KCNK13: variants seen among roughly 807,000 people sequenced by gnomAD.
KCNK13 encodes potassium two pore domain channel subfamily K member 13.
KCNK13 carries 12 observed loss-of-function variants against 23.4 expected under a neutral mutation model. The ratio of observed to expected loss-of-function variants is 0.51; its 90% CI spans 0.33 to 0.83. KCNK13 has a LOEUF of 0.83. KCNK13 is among the 40% of genes least tolerant of loss of function. The pLI, the probability that KCNK13 is intolerant of heterozygous loss-of-function variation, is 0.02. For synonymous variants in KCNK13, 231 were observed against 229.5 expected, an observed-to-expected ratio of 1.01 and a Z score of -0.06; for missense variants, 463 against 556.3, an observed-to-expected ratio of 0.83 and a Z score of 1.69.
intron 1 of KCNK13, among the ~76,000 whole-genome samples, chr14:90,139,233 G>A (rs1468037644): frequency 6.6e-6 from 1 of 152,220 alleles, no homozygotes; most frequent in African/African-American, 2.4e-5. Flanking sequence ...AGACTGTGAT[G>A]ATTGAATGCA....
At chr14:90,111,120 C>T (rs970489874) in intron 1 of KCNK13, among the ~76,000 whole-genome samples, 15 of 152,284 alleles carry the variant, frequency 9.9e-5, no homozygotes, top group South Asian at 2.1e-4. Context: ...TGCCTTAAAG[C>T]CACTAAGTTG....
chr14:90,172,316 CA>C (rs5810487), intron 1 of KCNK13, among the ~76,000 whole-genome samples: 9,733 of 138,800 alleles, frequency 0.07, 553 homozygotes, highest in African/African-American at 0.15. Context: ...GAGTCTATAT[CA>C]AAAAAAAAAA....
At chr14:90,074,970 C>T (rs1401563969) in intron 1 of KCNK13, among the ~76,000 whole-genome samples, 1 of 151,954 alleles carries the variant, frequency 6.6e-6, no homozygotes, top group Non-Finnish European at 1.5e-5. Context: ...ACTTTTAGAC[C>T]ATCTCTTTAG....
At chr14:90,176,985 A>G (rs908858466) in intron 1 of KCNK13, among the ~76,000 whole-genome samples, 1 of 152,186 alleles carries the variant, frequency 6.6e-6, no homozygotes, top group Non-Finnish European at 1.5e-5. Flanking sequence ...ACACCACTGC[A>G]CTCCAGCCTT....
chr14:90,132,124 TG>T (rs1212086382), intron 1 of KCNK13, among the ~76,000 whole-genome samples: 2 of 152,252 alleles, frequency 1.3e-5, no homozygotes, highest in African/African-American at 4.8e-5. Context: ...CTCAGGCACA[TG>T]CCATCAACAT....
chr14:90,113,326 G>A (rs145121918), intron 1 of KCNK13, among the ~76,000 whole-genome samples: 37 of 152,004 alleles, frequency 2.4e-4, no homozygotes, highest in African/African-American at 8.5e-4. Flanking sequence ...AGGAAAAGAC[G>A]GTCTCAATAA....
At chr14:90,108,959 G>T (rs934595055) in intron 1 of KCNK13, among the ~76,000 whole-genome samples, 1 of 152,108 alleles carries the variant, frequency 6.6e-6, no homozygotes, top group Non-Finnish European at 1.5e-5. Context: ...GGCAGATCAC[G>T]AGGTCAGGAG....
At chr14:90,124,329 G>C (rs1889771829) in intron 1 of KCNK13, among the ~76,000 whole-genome samples, 1 of 152,194 alleles carries the variant, frequency 6.6e-6, no homozygotes, top group Admixed American at 6.5e-5. Context: ...CCATTCCCTG[G>C]AACCTGTGAA....
At chr14:90,112,482 A>G (rs928025640) in intron 1 of KCNK13, among the ~76,000 whole-genome samples, 2 of 152,234 alleles carry the variant, frequency 1.3e-5, no homozygotes, top group African/African-American at 2.4e-5. Flanking sequence ...CAAATCATCA[A>G]TCTTGTAGTC....
At chr14:90,138,932 A>C (rs1016872290) in intron 1 of KCNK13, among the ~76,000 whole-genome samples, 1 of 152,226 alleles carries the variant, frequency 6.6e-6, no homozygotes, top group East Asian at 1.9e-4. Flanking sequence ...GGCCAGAAAA[A>C]AACACATCGA....
intron 1 of KCNK13, among the ~76,000 whole-genome samples, chr14:90,168,486 T>C (rs533959943): frequency 7.2e-5 from 11 of 152,174 alleles, no homozygotes; most frequent in Non-Finnish European, 1.6e-4. Flanking sequence ...CCAGGCACAC[T>C]TGACTTTTGT....
intron 1 of KCNK13, among the ~76,000 whole-genome samples, chr14:90,083,697 C>T (rs554224550): frequency 7.2e-5 from 11 of 152,308 alleles, no homozygotes; most frequent in Admixed American, 3.9e-4. Flanking sequence ...AAGACCCTTT[C>T]AAACTGTCAG....
intron 1 of KCNK13, among the ~76,000 whole-genome samples, chr14:90,130,961 A>G (rs1315566290): frequency 6.6e-6 from 1 of 152,142 alleles, no homozygotes; most frequent in Non-Finnish European, 1.5e-5. Flanking sequence ...GCTCCTCTAG[A>G]GAAGCCCGAG....
chr14:90,166,720 AG>A (rs1180142562), intron 1 of KCNK13, among the ~76,000 whole-genome samples: 1 of 151,518 alleles, frequency 6.6e-6, no homozygotes, highest in African/African-American at 2.4e-5. Context: ...AAAAAAAAAA[AG>A]AAATTTTCTT....
intron 1 of KCNK13, among the ~76,000 whole-genome samples, chr14:90,141,980 G>A (rs1277251987): frequency 6.6e-6 from 1 of 151,250 alleles, no homozygotes. Context: ...GTAGAGATGG[G>A]GTTTCACTGT....
At chr14:90,144,177 C>T (rs1046189939) in intron 1 of KCNK13, among the ~76,000 whole-genome samples, 4 of 152,134 alleles carry the variant, frequency 2.6e-5, no homozygotes, top group African/African-American at 9.7e-5. Context: ...GTCTTCCGAG[C>T]CATAAACATG....
chr14:90,131,465 C>T (rs1191095354), intron 1 of KCNK13, among the ~76,000 whole-genome samples: 1 of 152,068 alleles, frequency 6.6e-6, no homozygotes, highest in African/African-American at 2.4e-5. Context: ...CTCTTGACCT[C>T]GTGATCTGCC....
At position 90,112,644 on chromosome 14, in the gene KCNK13, GT is replaced by G. The variant is rs533091346; in HGVS notation, c.334+50106del. Reference sequence around the variant, plus strand: ...ACAACTGAACTGCAAAAAATTAAATGTGATAGAAAACTCAAATGAAGTAAAA... The same window carrying G: ...ACAACTGAACTGCAAAAAATTAAATGGATAGAAAACTCAAATGAAGTAAAA... On this transcript the variant is annotated intron_variant, in intron 1 of 1. Coordinates refer to ENST00000282146, the MANE Select transcript of KCNK13 (RefSeq NM_022054.4). 1.9e-3 allele frequency among the ~76,000 whole-genome samples: 286 copies of G among 152,294 alleles called. 2 individuals are homozygous for G. Among genetic ancestry groups the G allele is most frequent in the African/African-American group, 6.6e-3 (274 of 41,548 alleles).
At chr14:90,094,645 CTTTTTT>C (rs778654067) in intron 1 of KCNK13, among the ~76,000 whole-genome samples, 3 of 111,618 alleles carry the variant, frequency 2.7e-5, no homozygotes, top group Admixed American at 9.7e-5. Flanking sequence ...TCTTTTTTTT[CTTTTTT>C]TTTTTTTTTT....
Sources: allele counts gnomAD v4.1 joint callset (sites outside exome capture counted in the v4.1 genomes callset), GRCh38; gene constraint gnomAD v4.1.1; transcripts MANE v1.5; gene names NCBI Gene and HGNC (gene_info 2026-07-23, HGNC 2026-07-21).